BCKDHB: variants seen among roughly 807,000 people sequenced by gnomAD.
BCKDHB encodes branched chain keto acid dehydrogenase E1 subunit beta.
BCKDHB carries 41 observed loss-of-function variants against 48.5 expected under a neutral mutation model. The observed-to-expected ratio is 0.85, with a 90% CI of 0.66 to 1.10. The LOEUF is 1.10. BCKDHB is among the 50% of genes least tolerant of loss of function. BCKDHB has a pLI of 0.00. For missense variants in BCKDHB, 496 were observed against 494.2 expected (o/e 1.00, Z -0.03); for synonymous variants, 201 against 174.8 (o/e 1.15, Z -1.18).
At chr6:80,451,575 A>G in the BCKDHB span, among the ~76,000 whole-genome samples, 10 of 152,020 alleles carry the variant, frequency 6.6e-5, 1 homozygote, top group South Asian at 1.9e-3. Context: ...CATTTCTACT[A>G]AAAAATACAA....
chr6:80,344,378 A>G lies in BCKDHB; in HGVS notation c.*574A>G, dbSNP rs527284649. On this transcript the variant is annotated 3_prime_UTR_variant, in exon 10 of 10. Coordinates refer to ENST00000320393, the MANE Select transcript of BCKDHB (RefSeq NM_183050.4). ...TTTTTTTTTTTTGAGACCGAGTCTC[A>G]CTCTGTCACCAGGCTGGAGTGCAGT... 2.7e-4 allele frequency: 40 copies of G among 146,960 alleles called. No individual in the cohort carries two copies. The highest frequency in any genetic ancestry group is 1.8e-3 in the South Asian group (9 of 5,016). The allele number at this position is 146,960 out of a possible 1,614,324, so 9.1% of individuals were successfully genotyped here. A position where few individuals can be genotyped will look rare whatever the true frequency, so the allele number is the denominator to read the frequency against.
the BCKDHB span, among the ~76,000 whole-genome samples, chr6:80,456,937 T>C: frequency 1.3e-5 from 2 of 152,244 alleles, no homozygotes; most frequent in South Asian, 2.1e-4. Flanking sequence ...TTATGCTGTA[T>C]TGACAGCCAA....
At chr6:80,319,991 A>G (rs1206949630) in intron 9 of BCKDHB, among the ~76,000 whole-genome samples, 2 of 152,208 alleles carry the variant, frequency 1.3e-5, no homozygotes, top group Non-Finnish European at 2.9e-5. Context: ...TTTAAGATAT[A>G]CTAAAATTTG....
the BCKDHB span, among the ~76,000 whole-genome samples, chr6:80,366,636 G>T: frequency 6.6e-6 from 1 of 152,102 alleles, no homozygotes; most frequent in Non-Finnish European, 1.5e-5. Context: ...ATAGTGTAGT[G>T]CCCAACGTAC....
At chr6:80,397,576 C>T in the BCKDHB span, among the ~76,000 whole-genome samples, 1 of 152,138 alleles carries the variant, frequency 6.6e-6, no homozygotes, top group African/African-American at 2.4e-5. Flanking sequence ...AAAAAATTAA[C>T]TTCAAGAATA....
At chr6:80,169,544 A>G (rs529824757) in intron 5 of BCKDHB, among the ~76,000 whole-genome samples, 31 of 152,256 alleles carry the variant, frequency 2.0e-4, no homozygotes, top group Non-Finnish European at 3.8e-4. Flanking sequence ...TGCTCAACCA[A>G]TTAATTTTGA....
chr6:80,245,535 T>C (rs1776575099), intron 8 of BCKDHB, among the ~76,000 whole-genome samples: 2 of 152,166 alleles, frequency 1.3e-5, no homozygotes, highest in South Asian at 2.1e-4. Context: ...GAGATCATTT[T>C]AAGTTCTGAT....
At chr6:80,143,551 T>A (rs766846519) in intron 3 of BCKDHB, among the ~76,000 whole-genome samples, 1 of 152,208 alleles carries the variant, frequency 6.6e-6, no homozygotes, top group Non-Finnish European at 1.5e-5. Context: ...AGCACAGTGC[T>A]TTGTTTTCTG....
In BCKDHB at chr6:80,161,908, C is replaced by T. The variant is rs141214885; in HGVS notation, c.344-5770C>T. On this transcript the variant is annotated intron_variant, in intron 3 of 9. Transcript: ENST00000320393. ...TGACCTTATTGATTCTTAAAAGCCA[C>T]GGATTTTACCACCTTGTTGCTGTCT... Among the ~76,000 whole-genome samples, 278 of 152,288 alleles carry T rather than the reference C, an allele frequency of 1.8e-3. 1 individual carries two copies. Among genetic ancestry groups the T allele is most frequent in the African/African-American group, 6.2e-3 (256 of 41,554 alleles).
the BCKDHB span, among the ~76,000 whole-genome samples, chr6:80,382,245 G>C: frequency 6.6e-6 from 1 of 152,128 alleles, no homozygotes; most frequent in African/African-American, 2.4e-5. Flanking sequence ...TCATGGTTTT[G>C]GAAATTGCGA....
the BCKDHB span, among the ~76,000 whole-genome samples, chr6:80,429,054 T>C: frequency 6.6e-5 from 10 of 152,302 alleles, no homozygotes; most frequent in Middle Eastern, 3.4e-3. Flanking sequence ...TTGTATAAGG[T>C]GTAAGGGAGG....
intron 1 of BCKDHB, among the ~76,000 whole-genome samples, chr6:80,109,510 C>T (rs562750431): frequency 7.9e-5 from 12 of 152,028 alleles, no homozygotes; most frequent in African/African-American, 2.9e-4. Flanking sequence ...CCATTTATAC[C>T]CCATAATATG....
the BCKDHB span, among the ~76,000 whole-genome samples, chr6:80,449,525 A>T: frequency 2.8e-4 from 43 of 152,252 alleles, no homozygotes; most frequent in Non-Finnish European, 4.6e-4. Flanking sequence ...AGGCAAGGTT[A>T]TGTCGAGGAG....
chr6:80,398,187 CA>C, the BCKDHB span, among the ~76,000 whole-genome samples: 1 of 151,574 alleles, frequency 6.6e-6, no homozygotes, highest in African/African-American at 2.4e-5. Flanking sequence ...GAAGCCAGAG[CA>C]AACAAATCCC....
At chr6:80,235,432 A>C (rs954609062) in intron 8 of BCKDHB, among the ~76,000 whole-genome samples, 6 of 152,234 alleles carry the variant, frequency 3.9e-5, no homozygotes, top group African/African-American at 1.4e-4. Context: ...TTGAGGAAAC[A>C]TGTATTTAGA....
At chr6:80,354,645 G>C in the BCKDHB span, among the ~76,000 whole-genome samples, 1 of 152,108 alleles carries the variant, frequency 6.6e-6, no homozygotes, top group Non-Finnish European at 1.5e-5. Context: ...ATAGTTTCAG[G>C]TTTTACTATT....
intron 8 of BCKDHB, among the ~76,000 whole-genome samples, chr6:80,254,331 A>G (rs1323399687): frequency 6.6e-6 from 1 of 152,006 alleles, no homozygotes; most frequent in Non-Finnish European, 1.5e-5. Context: ...TTTTCCCTCT[A>G]AATTCTATAT....
In BCKDHB at chr6:80,253,640, G is replaced by A. The variant is rs567515262; in HGVS notation, c.952-19495G>A. On this transcript the variant is annotated intron_variant, in intron 8 of 9. Coordinates refer to ENST00000320393, the MANE Select transcript of BCKDHB (RefSeq NM_183050.4). Reference sequence around the variant, plus strand: ...GATAGGGAAAAAAGCAACATATCATGTCATATCACTTTACCATGCATAGAA... The same window carrying A: ...GATAGGGAAAAAAGCAACATATCATATCATATCACTTTACCATGCATAGAA... Among the ~76,000 whole-genome samples the A allele has an allele frequency of 2.0e-5, 3 of 152,208 alleles. No homozygotes were observed. The East Asian group carries it at 5.8e-4, about 29-fold the overall frequency.
At chr6:80,414,787 T>TA in the BCKDHB span, among the ~76,000 whole-genome samples, 1 of 152,172 alleles carries the variant, frequency 6.6e-6, no homozygotes, top group African/African-American at 2.4e-5. Context: ...CCTAGTTCTG[T>TA]AAAAAATGCC....
Sources: allele counts gnomAD v4.1 joint callset (sites outside exome capture counted in the v4.1 genomes callset), GRCh38; gene constraint gnomAD v4.1.1; transcripts MANE v1.5; gene names NCBI Gene and HGNC (gene_info 2026-07-23, HGNC 2026-07-21).